CCDC66: variants seen among roughly 807,000 people sequenced by gnomAD.
The protein encoded by CCDC66 is coiled-coil domain containing 66, also known as coiled-coil domain-containing protein 66.
In CCDC66, 133 loss-of-function variants were observed where a neutral mutation model predicts 128.3. That is an observed-to-expected ratio of 1.04 (90% CI 0.90 to 1.20). The LOEUF (loss-of-function observed/expected upper bound fraction) is 1.20, where lower values mean the gene tolerates loss of function less well. CCDC66 is among the 50% of genes most tolerant of loss of function. The pLI is 0.00. For synonymous variants in CCDC66, 387 were observed against 357.0 expected (o/e 1.08, Z -0.95); for missense variants, 1,126 against 1,075.5 (o/e 1.05, Z -0.66).
chr3:56,618,799 A>G (rs1420390501), intron 15 of CCDC66: 9 of 161,320 alleles, frequency 5.6e-5, no homozygotes, highest in Non-Finnish European at 1.2e-4. Context: ...TACAGTACAC[A>G]TACCATAGCT....
chr3:56,587,627 T>G (rs2070037521), intron 7 of CCDC66, among the ~76,000 whole-genome samples: 1 of 152,162 alleles, frequency 6.6e-6, no homozygotes, highest in South Asian at 2.1e-4. Flanking sequence ...TTCCAGCACT[T>G]TGGGAGGCCT....
chr3:56,575,510 C>A (rs961537836), intron 7 of CCDC66, among the ~76,000 whole-genome samples: 23 of 151,898 alleles, frequency 1.5e-4, no homozygotes, highest in African/African-American at 5.3e-4. Flanking sequence ...ACATGATTCA[C>A]AACTGTTTTC....
intron 17 of CCDC66, 71 bp downstream of exon 17, chr3:56,619,972 CGGTT>C: frequency 1.3e-6 from 2 of 1,498,112 alleles, no homozygotes; most frequent in African/African-American, 3.1e-5. Context: ...ACCTGTTGAA[CGGTT>C]TGTTTTAAGT....
chr3:56,586,916 C>T lies in CCDC66; in HGVS notation c.937-6054C>T, dbSNP rs2069870947. 1.3e-5 allele frequency among the ~76,000 whole-genome samples: 2 copies of T among 151,590 alleles called. 1 individual carries two copies. Among genetic ancestry groups the T allele is most frequent in the South Asian group, 4.2e-4 (2 of 4,810 alleles). ...CAAAAAAACTAAAAAATTAGCCGAG[C>T]ATGGTGGGATGTTCCTGTAGTCCTA... On this transcript the variant is annotated intron_variant, in intron 7 of 17. Transcript: ENST00000394672.
At chr3:56,573,824 G>C (rs1051081126) in intron 7 of CCDC66, among the ~76,000 whole-genome samples, 1 of 42,864 alleles carries the variant, frequency 2.3e-5, no homozygotes, top group Admixed American at 3.4e-4. Flanking sequence ...AAGGCACTTT[G>C]GGGTCCTTGG....
chr3:56,580,184 G>C (rs1303460061), intron 7 of CCDC66, among the ~76,000 whole-genome samples: 1 of 151,660 alleles, frequency 6.6e-6, no homozygotes, highest in African/African-American at 2.4e-5. Context: ...TGTCTCTTTT[G>C]ATCTTTGTTG....
intron 10 of CCDC66, among the ~76,000 whole-genome samples, chr3:56,602,834 ATTTT>A (rs34509264): frequency 2.0e-5 from 2 of 98,468 alleles, no homozygotes; most frequent in Non-Finnish European, 2.1e-5. Flanking sequence ...CCCCTTTATC[ATTTT>A]TTTTTTTTTT....
chr3:56,592,320 A>C (rs1046918219), intron 7 of CCDC66, among the ~76,000 whole-genome samples: 1 of 152,200 alleles, frequency 6.6e-6, no homozygotes, highest in African/African-American at 2.4e-5. Context: ...CATCTGTTTT[A>C]AATTAATAAC....
chr3:56,566,046 A>G (rs2065801518), intron 4 of CCDC66, among the ~76,000 whole-genome samples: 2 of 152,100 alleles, frequency 1.3e-5, no homozygotes, highest in Admixed American at 1.3e-4. Context: ...TCCTTATTTG[A>G]TATAAGAAAT....
Position 56,616,059 on chromosome 3 carries a change from TG to T in CCDC66, c.1843+7del. The T allele has an allele frequency of 1.3e-6, 2 of 1,578,016 alleles. 1 individual carries two copies. The highest frequency in any genetic ancestry group is 1.7e-6 in the Non-Finnish European group (2 of 1,165,946). The stretch of plus-strand genomic sequence containing the variant: ...GGATACTGGTGTGCAAACAGGTATT[TG>T]TGTGGAAATTGTGGTTTGGTTTAAA... On this transcript the variant is annotated splice_region_variant and intron_variant, in intron 13 of 17. Coordinates refer to ENST00000394672, the MANE Select transcript of CCDC66 (RefSeq NM_001141947.3).
chr3:56,561,370 G>C (rs1577207774), intron 3 of CCDC66: 5 of 418,972 alleles, frequency 1.2e-5, no homozygotes, highest in South Asian at 8.7e-5. Context: ...TACTGGTCTT[G>C]GATTTTTGGT....
chr3:56,621,575 C>G lies in CCDC66; in HGVS notation c.2804C>G (p.Pro935Arg). The G allele has an allele frequency of 6.2e-7, 1 of 1,602,050 alleles. No individual in the cohort carries two copies. Among genetic ancestry groups the G allele is most frequent in the Non-Finnish European group, 8.5e-7 (1 of 1,174,636 alleles). ...KQKELESSLLPLAENQEESFG... is the reference protein window; with the variant it reads ...KQKELESSLLRLAENQEESFG... ...AAGGAGTTGGAAAGTAGTCTCCTGC[C>G]TTTAGCTGAAAATCAAGAAGAGAGT... Residue 935 changes from proline to arginine, a missense_variant, in exon 18 of 18, where the codon CCT becomes CGT. Pro to Arg is a moderately radical substitution (Grantham distance 103, BLOSUM62 -2). Transcript: ENST00000394672.
At chr3:56,580,255 T>A (rs899088392) in intron 7 of CCDC66, among the ~76,000 whole-genome samples, 2 of 151,834 alleles carry the variant, frequency 1.3e-5, no homozygotes, top group African/African-American at 2.4e-5. Flanking sequence ...TGTTTTCCAT[T>A]TGCTTGGTAG....
intron 15 of CCDC66, 99 bp from the exon 16 acceptor site, chr3:56,619,172 C>T (rs1385077711): frequency 1.1e-5 from 11 of 1,024,484 alleles, no homozygotes; most frequent in South Asian, 1.8e-5. Context: ...CCAGCCTGGG[C>T]AACAGAGCGA....
At position 56,621,715 on chromosome 3, in the gene CCDC66, C is replaced by CTT. The variant is rs2076660643; in HGVS notation, c.*98_*99dup. 1 of 724,910 alleles carries CTT rather than the reference C, an allele frequency of 1.4e-6. No homozygotes were observed. The highest frequency in any genetic ancestry group is 2.0e-5 in the South Asian group (1 of 50,938). The allele number at this position is 724,910 out of a possible 1,614,324, so 44.9% of individuals were successfully genotyped here. A position where few individuals can be genotyped will look rare whatever the true frequency, so the allele number is the denominator to read the frequency against. ...GTATTTTTCAAATAGCCTAGATTTA[C>CTT]TTATTTTTTTAAATGCTCATTAAAA... On this transcript the variant is annotated 3_prime_UTR_variant, in exon 18 of 18. Transcript: ENST00000394672.
intron 10 of CCDC66, among the ~76,000 whole-genome samples, chr3:56,594,370 A>T (rs2071481795): frequency 2.6e-5 from 4 of 151,610 alleles, no homozygotes; most frequent in Non-Finnish European, 5.9e-5. Flanking sequence ...ATAGGGATTG[A>T]ACTAGAATTA....
At chr3:56,610,940 G>A (rs920093763) in intron 10 of CCDC66, among the ~76,000 whole-genome samples, 24 of 152,206 alleles carry the variant, frequency 1.6e-4, no homozygotes, top group African/African-American at 5.5e-4. Context: ...TCTCTCAGCC[G>A]TGGATACCAG....
At chr3:56,615,076 C>A in intron 11 of CCDC66, 52 bp from the exon 12 acceptor site, 1 of 1,572,874 alleles carries the variant, frequency 6.4e-7, no homozygotes, top group South Asian at 1.2e-5. Context: ...AGGAAATAGT[C>A]AAGTCTTTGT....
intron 10 of CCDC66, among the ~76,000 whole-genome samples, chr3:56,599,193 G>C (rs2072699354): frequency 6.6e-6 from 1 of 151,902 alleles, no homozygotes; most frequent in Admixed American, 6.6e-5. Context: ...AGATTTTCTA[G>C]TTTGTCTGTG....
Sources: gnomAD v4.1 joint callset for allele counts (sites outside exome capture counted in the v4.1 genomes callset) on GRCh38, gnomAD v4.1.1 for gene constraint, MANE v1.5 for transcripts, NCBI Gene and HGNC (gene_info 2026-07-23, HGNC 2026-07-21) for gene names.